FAT3: variants seen among roughly 807,000 people sequenced by gnomAD.
The protein encoded by FAT3 is FAT atypical cadherin 3, also known as protocadherin Fat 3.
A neutral mutation model predicts 310.2 loss-of-function variants in FAT3; 95 were observed. That is an observed-to-expected ratio of 0.31 (90% CI 0.26 to 0.36). The LOEUF is 0.36. Ranked by LOEUF, FAT3 falls within the 10% of genes least tolerant of loss-of-function variation. The probability of loss-of-function intolerance (pLI) is 1.00; values close to 1 mark genes in which losing one functional copy is unlikely to be tolerated. For missense variants in FAT3, 5,408 were observed against 5,715.6 expected (o/e 0.95, Z 1.74); for synonymous variants, 2,314 against 2,192.9 (o/e 1.06, Z -1.54).
At chr11:92,810,259 A>G (rs1042861433) in intron 13 of FAT3, among the ~76,000 whole-genome samples, 183 bp downstream of exon 13, 2 of 152,230 alleles carry the variant, frequency 1.3e-5, no homozygotes, top group African/African-American at 4.8e-5. Flanking sequence ...AAAGTCTGCA[A>G]GTTGGCCCTC....
chr11:92,754,092 C>T (rs1945905790), intron 4 of FAT3, among the ~76,000 whole-genome samples: 1 of 151,874 alleles, frequency 6.6e-6, no homozygotes, highest in South Asian at 2.1e-4. Flanking sequence ...AGAACTTAAT[C>T]ATGTAGCCAA....
intron 1 of FAT3, among the ~76,000 whole-genome samples, chr11:92,288,244 C>T (rs1459276322): frequency 6.6e-6 from 1 of 152,000 alleles, no homozygotes; most frequent in Non-Finnish European, 1.5e-5. Flanking sequence ...TCTAAAGTAG[C>T]CAAATTTATA....
rs184267305 is a variant in FAT3, at chr11:92,334,831, T to C, written c.-17-17265T>C. On this transcript the variant is annotated intron_variant, in intron 1 of 27. Coordinates refer to ENST00000525166, the MANE Select transcript of FAT3 (RefSeq NM_001367949.2). ...ACCTGTTCAGAGTTTCTCTCTTCTA[T>C]GGGTGAAGAGCTGACTCAGATAAGA... Among the ~76,000 whole-genome samples the C allele has an allele frequency of 1.8e-4, 28 of 152,258 alleles. No individual in the cohort carries two copies. The Middle Eastern group carries it at 0.014, about 74-fold the overall frequency.
chr11:92,529,666 A>G (rs1005114679), intron 3 of FAT3, among the ~76,000 whole-genome samples: 5 of 152,270 alleles, frequency 3.3e-5, no homozygotes, highest in African/African-American at 9.6e-5. Context: ...TTGTGTCTGT[A>G]AAACATAGAT....
chr11:92,732,379 A>G (rs1482509644), intron 4 of FAT3, among the ~76,000 whole-genome samples: 7 of 152,092 alleles, frequency 4.6e-5, no homozygotes, highest in Admixed American at 1.3e-4. Context: ...TTCATCCACT[A>G]CTCACTCACT....
chr11:92,667,632 C>G (rs7935199), intron 3 of FAT3, among the ~76,000 whole-genome samples: 5,021 of 152,228 alleles, frequency 0.033, 282 homozygotes, highest in African/African-American at 0.11. Context: ...CACAAGCCGC[C>G]CAAAGAATGT....
Position 92,801,053 on chromosome 11 carries a change from A to G in FAT3, c.8040A>G (p.Ala2680=), listed in dbSNP as rs141287454. ...CAGTGCTTTCGTTCTTTGTCAAAGC[A>G]GTAGATGGGGGCATCCCAGTAAAGC... ...KNTVLSFFVK[A]VDGGIPVKHS... The change falls in exon 10 of 28, where the codon GCA becomes GCG. Residue 2680 remains alanine, a synonymous_variant. Coordinates refer to ENST00000525166, the MANE Select transcript of FAT3 (RefSeq NM_001367949.2). 195 of 1,613,910 alleles carry G rather than the reference A, an allele frequency of 1.2e-4. 1 individual carries two copies. The African/African-American group carries it at 2.4e-3, about 20-fold the overall frequency.
chr11:92,794,309 C>T (rs1947112546), intron 9 of FAT3, among the ~76,000 whole-genome samples: 1 of 152,130 alleles, frequency 6.6e-6, no homozygotes, highest in Non-Finnish European at 1.5e-5. Flanking sequence ...CCCAACAACT[C>T]TTTTTATTCT....
At chr11:92,812,333 G>A (rs888507082) in intron 13 of FAT3, among the ~76,000 whole-genome samples, 1 of 152,096 alleles carries the variant, frequency 6.6e-6, no homozygotes, top group Non-Finnish European at 1.5e-5. Context: ...CCTCTATAGT[G>A]TTCAAAAGAG....
At chr11:92,406,665 G>A (rs963485303) in intron 2 of FAT3, 1 of 152,182 alleles carries the variant, frequency 6.6e-6, no homozygotes, top group Non-Finnish European at 1.5e-5. Flanking sequence ...TCAGAAGGAT[G>A]AGGTGACTCA....
At chr11:92,694,725 C>T (rs1473549384) in intron 3 of FAT3, among the ~76,000 whole-genome samples, 15 of 152,060 alleles carry the variant, frequency 9.9e-5, no homozygotes, top group Admixed American at 2.6e-4. Context: ...CTTTTGTGGC[C>T]GGAAGAGCAG....
chr11:92,769,739 G>T (rs565438238), intron 6 of FAT3, among the ~76,000 whole-genome samples: 1 of 152,204 alleles, frequency 6.6e-6, no homozygotes, highest in African/African-American at 2.4e-5. Flanking sequence ...GTGATAGAAC[G>T]TAGTTCCAAC....
At position 92,354,106 on chromosome 11, in the gene FAT3, T is replaced by C. The variant is rs1044313858; in HGVS notation, c.1994T>C (p.Met665Thr). 5 of 1,613,814 alleles carry C rather than the reference T, an allele frequency of 3.1e-6. No individual in the cohort carries two copies. The highest frequency in any genetic ancestry group is 1.7e-5 in the Admixed American group (1 of 59,918). ...GATGGAGAGAATCTTGCAGACCCCA[T>C]GTCTATTAACATTTCAGTCCTACAT... ...ATDGENLADP[M>T]SINISVLHGK... is the part of the protein sequence containing the mutation. The change falls in exon 2 of 28, where the codon ATG becomes ACG. Residue 665 changes from methionine to threonine, a missense_variant. By Grantham distance (81) the Met-to-Thr change is moderately conservative. Coordinates refer to ENST00000525166, the MANE Select transcript of FAT3 (RefSeq NM_001367949.2).
chr11:92,260,028 T>C (rs1412333641), intron 1 of FAT3, among the ~76,000 whole-genome samples: 1 of 152,148 alleles, frequency 6.6e-6, no homozygotes. Context: ...GCTGCTATTT[T>C]TGAGGCAGGA....
At chr11:92,634,367 C>T (rs1941679617) in intron 3 of FAT3, among the ~76,000 whole-genome samples, 1 of 152,128 alleles carries the variant, frequency 6.6e-6, no homozygotes, top group Non-Finnish European at 1.5e-5. Context: ...AGGAGTTTCC[C>T]AGTGTTGTAG....
chr11:92,649,663 C>T (rs531214478), intron 3 of FAT3, among the ~76,000 whole-genome samples: 57 of 152,122 alleles, frequency 3.7e-4, no homozygotes, highest in African/African-American at 1.3e-3. Context: ...CTACACACAT[C>T]GCCATGGAAT....
intron 2 of FAT3, among the ~76,000 whole-genome samples, chr11:92,502,202 G>C (rs1952960024): frequency 6.6e-6 from 1 of 152,034 alleles, no homozygotes; most frequent in Non-Finnish European, 1.5e-5. Flanking sequence ...AATCAGTGTG[G>C]AGAGATGGTC....
chr11:92,371,724 C>T (rs1024719695), intron 2 of FAT3, among the ~76,000 whole-genome samples: 5 of 152,066 alleles, frequency 3.3e-5, no homozygotes, highest in African/African-American at 1.2e-4. Flanking sequence ...ACACCCCTCC[C>T]TGCCCCGCAA....
At chr11:92,645,260 T>C (rs1942106666) in intron 3 of FAT3, among the ~76,000 whole-genome samples, 1 of 152,356 alleles carries the variant, frequency 6.6e-6, no homozygotes, top group African/African-American at 2.4e-5. Context: ...AGCATTTGTA[T>C]GCACAAGGAA....
Sources: allele counts gnomAD v4.1 joint callset (sites outside exome capture counted in the v4.1 genomes callset), GRCh38; gene constraint gnomAD v4.1.1; transcripts MANE v1.5; gene names NCBI Gene and HGNC (gene_info 2026-07-23, HGNC 2026-07-21).